Variants in PRKN observed in about 807,000 individuals in gnomAD.
PRKN encodes E3 ubiquitin-protein ligase parkin.
A neutral mutation model predicts 59.5 loss-of-function variants in PRKN; 56 were observed. The ratio of observed to expected loss-of-function variants is 0.94; its 90% CI spans 0.76 to 1.18. The LOEUF is 1.18. Ranked by LOEUF, PRKN falls within the 50% of genes most tolerant of loss-of-function variation. PRKN has a pLI of 0.00. For missense variants in PRKN, 657 were observed against 596.4 expected (o/e 1.10, Z -1.06); for synonymous variants, 250 against 222.1 (o/e 1.13, Z -1.12).
chr6:161,559,128 G>GT lies in PRKN; in HGVS notation c.934-10126dup, dbSNP rs569294086. On this transcript the variant is annotated intron_variant, in intron 8 of 11. Coordinates refer to ENST00000366898, the MANE Select transcript of PRKN (RefSeq NM_004562.3). ...GGAAGCACAGTTTAAGAAGTTTTTG[G>GT]TTTTTTTTTTTCCAGATATTTCAGG... Among the ~76,000 whole-genome samples the GT allele has an allele frequency of 7.3e-3, 1,059 of 145,298 alleles. 16 individuals are homozygous for GT. Among genetic ancestry groups the GT allele is most frequent in the East Asian group, 0.07 (352 of 5,004 alleles).
At chr6:161,798,016 A>G (rs1035578146) in intron 6 of PRKN, among the ~76,000 whole-genome samples, 3 of 152,176 alleles carry the variant, frequency 2.0e-5, no homozygotes, top group African/African-American at 7.2e-5. Flanking sequence ...TCTGGCTAAC[A>G]TGGTGAAACC....
intron 4 of PRKN, among the ~76,000 whole-genome samples, chr6:162,154,897 G>A (rs573048564): frequency 8.0e-5 from 12 of 150,704 alleles, no homozygotes; most frequent in African/African-American, 2.9e-4. Context: ...CAGTATAAAA[G>A]GAAATAGCTT....
At chr6:161,492,962 A>G (rs2115276579) in intron 9 of PRKN, among the ~76,000 whole-genome samples, 1 of 152,344 alleles carries the variant, frequency 6.6e-6, no homozygotes, top group South Asian at 2.1e-4. Flanking sequence ...CAGGCTGTAC[A>G]GACCATTTTT....
chr6:161,679,879 C>G (rs900291444), intron 7 of PRKN, among the ~76,000 whole-genome samples: 5 of 151,494 alleles, frequency 3.3e-5, no homozygotes, highest in African/African-American at 7.3e-5. Context: ...CTCAGCCCCC[C>G]CAGGAGCTGG....
intron 8 of PRKN, among the ~76,000 whole-genome samples, chr6:161,559,049 T>TAAAA (rs3032921): frequency 8.7e-4 from 102 of 117,238 alleles, no homozygotes; most frequent in African/African-American, 3.0e-3. Flanking sequence ...AAACAAGACC[T>TAAAA]AAAAAAAAAA....
intron 5 of PRKN, among the ~76,000 whole-genome samples, chr6:162,013,581 C>A: frequency 6.6e-6 from 1 of 152,278 alleles, no homozygotes; most frequent in Middle Eastern, 3.4e-3. Context: ...ATCTTTATGA[C>A]AACCCCAAGT....
rs138667036 is a variant in PRKN, at chr6:162,421,292, C to T, written c.171+22018G>A. Among the ~76,000 whole-genome samples the T allele has an allele frequency of 7.7e-4, 113 of 146,146 alleles. No homozygotes were observed. The Middle Eastern group carries it at 0.035, about 46-fold the overall frequency. On this transcript the variant is annotated intron_variant, in intron 2 of 11. Transcript: ENST00000366898. ...TTGCCTAACATTATTACCCTCACAG[C>T]GCCCTGAAGATCAGATGTTATCCTG...
In PRKN at chr6:161,463,937, C is replaced by A. The variant is rs1022523428; in HGVS notation, c.1084-77060G>T. On this transcript the variant is annotated intron_variant, in intron 9 of 11. Coordinates refer to ENST00000366898, the MANE Select transcript of PRKN (RefSeq NM_004562.3). This position sits in a 1 kb window ranked among gnomAD's most constrained non-coding sequence, Gnocchi z 4.8. ...GATGGTAGACATCAACATACAGAGACCTTTAGGGTTTTTTTTGTTTTTGTT... is the reference window on the plus strand; with the variant it reads ...GATGGTAGACATCAACATACAGAGAACTTTAGGGTTTTTTTTGTTTTTGTT... 6.6e-6 allele frequency among the ~76,000 whole-genome samples: 1 copy of A among 152,022 alleles called. No homozygotes were observed. The highest frequency in any genetic ancestry group is 2.4e-5 in the African/African-American group (1 of 41,398).
intron 5 of PRKN, among the ~76,000 whole-genome samples, chr6:162,001,803 T>C (rs1583463595): frequency 1.3e-5 from 2 of 151,774 alleles, no homozygotes; most frequent in African/African-American, 2.4e-5. Context: ...AGATATTCCT[T>C]ATCAAGTTTA....
intron 6 of PRKN, among the ~76,000 whole-genome samples, chr6:161,843,559 G>A (rs1793075582): frequency 6.6e-6 from 1 of 152,170 alleles, no homozygotes; most frequent in African/African-American, 2.4e-5. Context: ...GCCAAGGAGG[G>A]GAGATTACTT....
At chr6:162,109,381 C>T (rs886914355) in intron 4 of PRKN, among the ~76,000 whole-genome samples, 1 of 152,210 alleles carries the variant, frequency 6.6e-6, no homozygotes, top group East Asian at 1.9e-4. Context: ...ATACAACTGA[C>T]TTAGTAATAG....
intron 7 of PRKN, among the ~76,000 whole-genome samples, chr6:161,747,251 T>C (rs1031032817): frequency 6.6e-6 from 1 of 152,212 alleles, no homozygotes; most frequent in African/African-American, 2.4e-5. Context: ...TTGTCATCAA[T>C]GCCTCCTTCC....
At chr6:162,469,728 A>G (rs1182983312) in intron 1 of PRKN, among the ~76,000 whole-genome samples, 1 of 151,134 alleles carries the variant, frequency 6.6e-6, no homozygotes. Flanking sequence ...GGGACTCAAC[A>G]GGAAAGGATG....
intron 1 of PRKN, among the ~76,000 whole-genome samples, chr6:162,471,298 A>G (rs563002613): frequency 2.2e-4 from 34 of 151,852 alleles, no homozygotes; most frequent in African/African-American, 6.3e-4. Context: ...GGTTTTCACC[A>G]TGTTGGCCAG....
chr6:162,084,379 G>A (rs905155085), intron 4 of PRKN, among the ~76,000 whole-genome samples: 2 of 152,130 alleles, frequency 1.3e-5, no homozygotes, highest in East Asian at 1.9e-4. Flanking sequence ...CCGTGAAGAC[G>A]CTGCCTCCAT....
In PRKN at chr6:161,573,527, TGG is replaced by T. The variant is rs1184355734; in HGVS notation, c.872-4113_872-4112del. Among the ~76,000 whole-genome samples the T allele has an allele frequency of 6.6e-5, 10 of 150,856 alleles. No homozygotes were observed. In the South Asian group the frequency reaches 1.0e-3, roughly 16 times the overall value. On this transcript the variant is annotated intron_variant, in intron 7 of 11. Transcript: ENST00000366898. ...CGAGGTCAGGAGATTGAGACCATCG[TGG>T]CTAATACAGTGAAACCCCGTCTCTA...
chr6:162,560,216 T>C (rs1428773955), intron 1 of PRKN, among the ~76,000 whole-genome samples: 1 of 152,206 alleles, frequency 6.6e-6, no homozygotes, highest in Non-Finnish European at 1.5e-5. Flanking sequence ...ACTATTTGCA[T>C]ATAAGTGCAA....
intron 3 of PRKN, among the ~76,000 whole-genome samples, chr6:162,234,826 A>G (rs1778578549): frequency 6.6e-6 from 1 of 152,176 alleles, no homozygotes; most frequent in Non-Finnish European, 1.5e-5. Context: ...TGTGGGAGAA[A>G]TGACAGCATG....
chr6:162,096,500 C>A (rs1270034066), intron 4 of PRKN, among the ~76,000 whole-genome samples: 1 of 152,104 alleles, frequency 6.6e-6, no homozygotes, highest in Non-Finnish European at 1.5e-5. Flanking sequence ...GTGCCTCTAC[C>A]CAAATCTCAT....
Sources: allele counts gnomAD v4.1 joint callset (sites outside exome capture counted in the v4.1 genomes callset), GRCh38; gene constraint gnomAD v4.1.1; non-coding constraint Gnocchi (gnomAD v3.1); transcripts MANE v1.5; gene names NCBI Gene and HGNC (gene_info 2026-07-23, HGNC 2026-07-21).